The following CSMD1 variants were observed in gnomAD, a reference collection of about 807,000 sequenced individuals.
CSMD1 encodes the protein CUB and sushi domain-containing protein 1.
A neutral mutation model predicts 417.5 loss-of-function variants in CSMD1; 213 were observed. The ratio of observed to expected loss-of-function variants is 0.51; its 90% confidence interval spans 0.46 to 0.57. The LOEUF (loss-of-function observed/expected upper bound fraction) is 0.57, where lower values mean the gene tolerates loss of function less well. Among genes scored for constraint, CSMD1 ranks in the 20% least tolerant of loss-of-function variants. The pLI is 0.00. For synonymous variants in CSMD1, 2,862 were observed against 1,736.8 expected (o/e 1.65, Z -16.11); for missense variants, 6,923 against 4,529.7 (o/e 1.53, Z -15.17).
intron 10 of CSMD1, among the ~76,000 whole-genome samples, chr8:3,521,735 G>A (rs28460277): frequency 0.022 from 3,402 of 152,274 alleles, 113 homozygotes; most frequent in African/African-American, 0.077. Context: ...ATGCCTCAAA[G>A]ATGTTAAGTA....
chr8:3,024,693 T>G (rs1164106400), intron 51 of CSMD1, among the ~76,000 whole-genome samples: 2 of 152,182 alleles, frequency 1.3e-5, no homozygotes, highest in African/African-American at 4.8e-5. Flanking sequence ...ACCACCACAT[T>G]GCCTGTGTTT....
At chr8:3,965,876 T>C (rs1039266513) in intron 5 of CSMD1, among the ~76,000 whole-genome samples, 6 of 152,146 alleles carry the variant, frequency 3.9e-5, no homozygotes, top group Non-Finnish European at 2.9e-5. Context: ...CTTGGCCTTT[T>C]GAAGTGCTAG....
chr8:4,675,860 C>A (rs970554284), intron 1 of CSMD1, among the ~76,000 whole-genome samples: 1 of 152,050 alleles, frequency 6.6e-6, no homozygotes, highest in Non-Finnish European at 1.5e-5. Context: ...AGTAAGGTGC[C>A]TAATTGTTTC....
chr8:4,549,094 T>A (rs1036411390), intron 2 of CSMD1, among the ~76,000 whole-genome samples: 1 of 152,166 alleles, frequency 6.6e-6, no homozygotes, highest in Admixed American at 6.6e-5. Flanking sequence ...CTTCCATAAG[T>A]TTGACTTAAG....
At chr8:4,327,047 A>C (rs1799600310) in intron 3 of CSMD1, among the ~76,000 whole-genome samples, 1 of 152,176 alleles carries the variant, frequency 6.6e-6, no homozygotes, top group African/African-American at 2.4e-5. Flanking sequence ...ATGGATTCCA[A>C]CTCAGAAGAC....
chr8:4,756,736 A>G (rs1349539071), intron 1 of CSMD1, among the ~76,000 whole-genome samples: 2 of 152,192 alleles, frequency 1.3e-5, no homozygotes, highest in Non-Finnish European at 2.9e-5. Context: ...TACAGGAAAC[A>G]GGTAAAATAA....
intron 6 of CSMD1, among the ~76,000 whole-genome samples, chr8:3,715,821 G>A (rs1376459743): frequency 1.3e-5 from 2 of 152,164 alleles, no homozygotes; most frequent in East Asian, 3.9e-4. Flanking sequence ...GGGATTGCAG[G>A]CATGAGCCAC....
At chr8:4,345,688 T>C (rs1800739291) in intron 3 of CSMD1, among the ~76,000 whole-genome samples, 1 of 152,110 alleles carries the variant, frequency 6.6e-6, no homozygotes, top group Admixed American at 6.6e-5. Flanking sequence ...GAAATGGCCA[T>C]GTAATTTTTT....
At position 3,229,366 on chromosome 8, in the gene CSMD1, A is replaced by T. The variant is rs112840747; in HGVS notation, c.4345+674T>A. On this transcript the variant is annotated intron_variant, in intron 27 of 69. Coordinates refer to ENST00000635120, the MANE Select transcript of CSMD1 (RefSeq NM_033225.6). ...CTCTAAGTACGAATTTTATTAGTAG[A>T]ATATTTTATTGAATGAAGAGACAAT... Among the ~76,000 whole-genome samples the T allele has an allele frequency of 5.7e-3, 874 of 152,332 alleles. 6 individuals are homozygous for T. The highest frequency in any genetic ancestry group is 0.02 in the African/African-American group (815 of 41,586).
chr8:3,275,678 T>G (rs568909172), intron 26 of CSMD1, among the ~76,000 whole-genome samples: 1 of 152,332 alleles, frequency 6.6e-6, no homozygotes, highest in South Asian at 2.1e-4. Flanking sequence ...TTTCATTCAT[T>G]TCATCTTCCA....
At chr8:3,541,067 G>C (rs572700742) in intron 10 of CSMD1, among the ~76,000 whole-genome samples, 120 of 152,242 alleles carry the variant, frequency 7.9e-4, no homozygotes, top group African/African-American at 2.8e-3. Flanking sequence ...CTATTATAAA[G>C]ATACATGCAC....
chr8:4,398,477 T>A (rs563713107), intron 3 of CSMD1, among the ~76,000 whole-genome samples: 6 of 131,118 alleles, frequency 4.6e-5, no homozygotes, highest in African/African-American at 1.7e-4. Context: ...CACTGCAACC[T>A]CCTCTCCTGG....
intron 5 of CSMD1, among the ~76,000 whole-genome samples, chr8:3,838,819 C>G (rs983765652): frequency 4.1e-5 from 4 of 97,094 alleles, no homozygotes; most frequent in African/African-American, 1.5e-4. Context: ...ATTATATATA[C>G]TATTAATATA....
chr8:4,771,192 G>T (rs1232270122), intron 1 of CSMD1, among the ~76,000 whole-genome samples: 1 of 152,190 alleles, frequency 6.6e-6, no homozygotes, highest in African/African-American at 2.4e-5. Context: ...AGAAATGGAG[G>T]CCGCTTTGCC....
At chr8:4,010,936 G>A (rs2740953) in intron 4 of CSMD1, among the ~76,000 whole-genome samples, 55,159 of 151,862 alleles carry the variant, frequency 0.36, 10,121 homozygotes, top group Non-Finnish European at 0.39. Context: ...TCCTACATTG[G>A]CCCATAATGA....
At chr8:4,632,153 G>C (rs188786644) in intron 2 of CSMD1, among the ~76,000 whole-genome samples, 1 of 152,184 alleles carries the variant, frequency 6.6e-6, no homozygotes, top group Non-Finnish European at 1.5e-5. Flanking sequence ...ATTAAGTCAC[G>C]TTGGGTTCCG....
chr8:3,551,321 A>G (rs1212967117), intron 10 of CSMD1, among the ~76,000 whole-genome samples: 1 of 152,238 alleles, frequency 6.6e-6, no homozygotes. Flanking sequence ...CAATATGTGA[A>G]TGTTTTGAAA....
chr8:4,817,597 A>AAAT (rs1799279659), intron 1 of CSMD1, among the ~76,000 whole-genome samples: 3 of 152,248 alleles, frequency 2.0e-5, no homozygotes, highest in Admixed American at 2.0e-4. Flanking sequence ...TGCTCATGCA[A>AAAT]TCAAAATACA....
At chr8:4,811,552 ATGGAAAAATAAACACATG>A (rs1416823584) in intron 1 of CSMD1, among the ~76,000 whole-genome samples, 1 of 152,170 alleles carries the variant, frequency 6.6e-6, no homozygotes, top group Admixed American at 6.6e-5. Context: ...CAATATTGAC[ATGGAAAAATAAACACATG>A]TGAGGCTCAT....
Sources: gnomAD v4.1 joint callset for allele counts (sites outside exome capture counted in the v4.1 genomes callset) on GRCh38, gnomAD v4.1.1 for gene constraint, MANE v1.5 for transcripts, NCBI Gene and HGNC (gene_info 2026-07-23, HGNC 2026-07-21) for gene names.